BMP1: variants seen among roughly 807,000 people sequenced by gnomAD.
BMP1 encodes mammalian tolloid protein.
In BMP1, 63 loss-of-function variants were observed where a neutral mutation model predicts 116.8. That is an observed-to-expected ratio of 0.54 (90% confidence interval 0.44 to 0.67). The LOEUF (loss-of-function observed/expected upper bound fraction) is 0.67, where lower values mean the gene tolerates loss of function less well. Among genes scored for constraint, BMP1 ranks in the 30% least tolerant of loss-of-function variants. The pLI is 0.00. For missense variants in BMP1, 1,183 were observed against 1,358.9 expected (o/e 0.87, Z 2.04); for synonymous variants, 536 against 533.4 (o/e 1.00, Z -0.07).
chr8:22,209,822 G>A, intron 19 of BMP1, 127 bp downstream of exon 19: 1 of 1,019,754 alleles, frequency 9.8e-7, no homozygotes, highest in Non-Finnish European at 1.4e-6. Flanking sequence ...CAGCACGCGT[G>A]TGGCCCTGTG....
In BMP1 at chr8:22,194,270, G is replaced by A; in HGVS notation, c.1297+96G>A. ...TGGCACCTGAGGGGCAAGATTGTGGGTTCCCAAGGGAAGAAGCAGAGAGAA... is the reference window on the plus strand; with the variant it reads ...TGGCACCTGAGGGGCAAGATTGTGGATTCCCAAGGGAAGAAGCAGAGAGAA... On this transcript the variant is annotated intron_variant, in intron 10 of 19. Transcript: ENST00000306385. The surrounding 1 kb of genome is among the most constrained non-coding windows in gnomAD (Gnocchi z 4.5). The A allele has an allele frequency of 1.4e-6, 2 of 1,475,222 alleles. No individual in the cohort carries two copies. Among genetic ancestry groups the A allele is most frequent in the Non-Finnish European group, 1.9e-6 (2 of 1,060,378 alleles). 91.4% of individuals were successfully genotyped at this position (1,475,222 alleles called of 1,614,324 possible). A position where few individuals can be genotyped will look rare whatever the true frequency, so the allele number is the denominator to read the frequency against.
At chr8:22,177,547 G>A (rs765581745) in intron 5 of BMP1, 8 of 728,862 alleles carry the variant, frequency 1.1e-5, no homozygotes, top group East Asian at 1.1e-4. Flanking sequence ...CTCCCTTCCC[G>A]CCTCCTCCCT....
In BMP1 at chr8:22,202,229, C is replaced by T. The variant is rs182583029; in HGVS notation, c.2233+301C>T. ...TCCAAGTCTCTTTGTGACTTCCTAC[C>T]GGCACAGAGGCGAGAAAGGATAGTG... is the stretch of plus-strand genomic sequence containing the variant. On this transcript the variant is annotated intron_variant, in intron 16 of 19. Coordinates refer to ENST00000306385, the MANE Select transcript of BMP1 (RefSeq NM_006129.5). Among the ~76,000 whole-genome samples, 12 of 152,286 alleles carry T rather than the reference C, an allele frequency of 7.9e-5. No homozygotes were observed. The South Asian group carries it at 1.5e-3, about 18-fold the overall frequency.
chr8:22,188,377 T>C (rs1157173342), intron 8 of BMP1, among the ~76,000 whole-genome samples: 1 of 151,996 alleles, frequency 6.6e-6, no homozygotes, highest in Non-Finnish European at 1.5e-5. Context: ...ACTGTATTGC[T>C]CAGGCTGGTC....
chr8:22,210,468 T>TCTCTCTCACA (rs10664439), intron 19 of BMP1, among the ~76,000 whole-genome samples: 54 of 135,564 alleles, frequency 4.0e-4, no homozygotes, highest in African/African-American at 1.5e-3. Context: ...TCTCTCTCTC[T>TCTCTCTCACA]CACACACATA....
chr8:22,193,178 T>TGG (rs1828983476), intron 9 of BMP1, among the ~76,000 whole-genome samples: 1 of 152,354 alleles, frequency 6.6e-6, no homozygotes, highest in Admixed American at 6.5e-5. Flanking sequence ...ATTCCACAGA[T>TGG]GGCCGACCTC....
chr8:22,189,992 C>T (rs1050285923), intron 8 of BMP1, among the ~76,000 whole-genome samples: 21 of 152,178 alleles, frequency 1.4e-4, no homozygotes, highest in African/African-American at 5.1e-4. Context: ...ATGATCTAGG[C>T]TCACTGCAAC....
intron 8 of BMP1, among the ~76,000 whole-genome samples, chr8:22,180,779 T>C (rs1187610897): frequency 6.6e-6 from 1 of 152,230 alleles, no homozygotes; most frequent in Non-Finnish European, 1.5e-5. Context: ...TCACCTCTTT[T>C]AGTTTTTACG....
At chr8:22,196,932 C>G (rs1004026005) in intron 14 of BMP1, 92 bp downstream of exon 14, 2 of 1,425,528 alleles carry the variant, frequency 1.4e-6, no homozygotes, top group Non-Finnish European at 1.9e-6. Flanking sequence ...GAGAGGGGGC[C>G]CGGCAGAAAC....
At chr8:22,200,913 C>T (rs2131894995) in intron 15 of BMP1, among the ~76,000 whole-genome samples, 1 of 152,300 alleles carries the variant, frequency 6.6e-6, no homozygotes, top group Admixed American at 6.5e-5. Flanking sequence ...GCTGTGCCTC[C>T]TGCCCCTGCT....
At chr8:22,205,843 G>A (rs1304784449) in intron 16 of BMP1, among the ~76,000 whole-genome samples, 4 of 152,212 alleles carry the variant, frequency 2.6e-5, no homozygotes, top group African/African-American at 4.8e-5. Context: ...TGAGCACCCC[G>A]AAGGAACAGG....
Position 22,211,749 on chromosome 8 carries a change from G to A in BMP1, c.*21G>A. The A allele has an allele frequency of 8.7e-6, 14 of 1,614,060 alleles. No homozygotes were observed. Among genetic ancestry groups the A allele is most frequent in the Non-Finnish European group, 1.2e-5 (14 of 1,179,990 alleles). On this transcript the variant is annotated 3_prime_UTR_variant, in exon 20 of 20. Transcript: ENST00000306385. Reference sequence around the variant, plus strand: ...AGTGACCACTGCCTGAGCAGGGGCGGGGACTGGAGCCTGCTGCCCTTGGTC... The same window carrying A: ...AGTGACCACTGCCTGAGCAGGGGCGAGGACTGGAGCCTGCTGCCCTTGGTC...
intron 16 of BMP1, among the ~76,000 whole-genome samples, chr8:22,206,504 A>T (rs1249918869): frequency 1.4e-5 from 2 of 147,614 alleles, no homozygotes; most frequent in Admixed American, 6.8e-5. Context: ...TCCATCTCAA[A>T]AAAAAAAAAA....
chr8:22,200,654 G>C (rs924289328), intron 15 of BMP1, among the ~76,000 whole-genome samples: 1 of 152,136 alleles, frequency 6.6e-6, no homozygotes, highest in African/African-American at 2.4e-5. Context: ...CCACATTTGG[G>C]TGACGGTACA....
Position 22,179,838 on chromosome 8 carries a change from A to C in BMP1, c.961+9A>C. ...GCTTTACAAGTGCCCAGGTCAGGGCAGAGAAGGGATGGGTGAGGGCGTGGA... is the reference window on the plus strand; with the variant it reads ...GCTTTACAAGTGCCCAGGTCAGGGCCGAGAAGGGATGGGTGAGGGCGTGGA... On this transcript the variant is annotated intron_variant, in intron 7 of 19. Coordinates refer to ENST00000306385, the MANE Select transcript of BMP1 (RefSeq NM_006129.5). The surrounding 1 kb of genome is among the most constrained non-coding windows in gnomAD (Gnocchi z 4.6). 1 of 1,611,564 alleles carries C rather than the reference A, an allele frequency of 6.2e-7. No homozygotes were observed. The highest frequency in any genetic ancestry group is 8.5e-7 in the Non-Finnish European group (1 of 1,178,206).
intron 12 of BMP1, among the ~76,000 whole-genome samples, chr8:22,195,229 T>G (rs1288331578): frequency 6.6e-6 from 1 of 152,146 alleles, no homozygotes; most frequent in East Asian, 1.9e-4. Flanking sequence ...TAACAGTCCC[T>G]CCGCCACAGG....
rs746633358 is a variant in BMP1 at position 22,177,154 on chromosome 8, C to T, written c.730+15C>T. On this transcript the variant is annotated intron_variant, in intron 5 of 19. Transcript: ENST00000306385. ...CATCCAGCCAGGTAGGTACCTGCCCCTCGGTGCGGCCTTGGTGGGCGGCTC... is the reference window on the plus strand; with the variant it reads ...CATCCAGCCAGGTAGGTACCTGCCCTTCGGTGCGGCCTTGGTGGGCGGCTC... 2.4e-5 allele frequency: 38 copies of T among 1,583,458 alleles called. No individual in the cohort carries two copies. The highest frequency in any genetic ancestry group is 3.2e-5 in the Non-Finnish European group (37 of 1,162,054).
chr8:22,202,829 C>T (rs1304454136), intron 16 of BMP1, among the ~76,000 whole-genome samples: 3 of 151,870 alleles, frequency 2.0e-5, no homozygotes, highest in African/African-American at 4.8e-5. Flanking sequence ...GGCAACATGG[C>T]GAAACCCCAT....
chr8:22,178,867 T>TG (rs1828530555), intron 6 of BMP1, among the ~76,000 whole-genome samples: 1 of 152,130 alleles, frequency 6.6e-6, no homozygotes, highest in Non-Finnish European at 1.5e-5. Context: ...TCCCAGACAG[T>TG]GGCCCTGCCC....
Sources: allele counts gnomAD v4.1 joint callset (sites outside exome capture counted in the v4.1 genomes callset), GRCh38; gene constraint gnomAD v4.1.1; non-coding constraint Gnocchi (gnomAD v3.1); transcripts MANE v1.5; gene names NCBI Gene and HGNC (gene_info 2026-07-23, HGNC 2026-07-21).